KCNK13: variants seen among roughly 807,000 people sequenced by gnomAD.
KCNK13 encodes the protein potassium two pore domain channel subfamily K member 13, also known as potassium channel subfamily K member 13.
In KCNK13, 12 loss-of-function variants were observed where a neutral mutation model predicts 23.4. The ratio of observed to expected loss-of-function variants is 0.51; its 90% CI spans 0.33 to 0.83. The LOEUF is 0.83. KCNK13 is among the 40% of genes least tolerant of loss of function. The pLI is 0.02. For synonymous variants in KCNK13, 231 were observed against 229.5 expected (o/e 1.01, Z -0.06); for missense variants, 463 against 556.3 (o/e 0.83, Z 1.69).
intron 1 of KCNK13, among the ~76,000 whole-genome samples, chr14:90,170,016 A>G (rs1254919577): frequency 6.6e-6 from 1 of 152,146 alleles, no homozygotes; most frequent in African/African-American, 2.4e-5. Flanking sequence ...GAGATGAAGC[A>G]GGGATCCCTC....
Position 90,062,297 on chromosome 14 carries a change from T to C in KCNK13, c.92T>C (p.Leu31Pro), listed in dbSNP as rs1036635686. 6.4e-7 allele frequency: 1 copy of C among 1,556,056 alleles called. No homozygotes were observed. The highest frequency in any genetic ancestry group is 8.6e-7 in the Non-Finnish European group (1 of 1,158,348). The change falls in exon 1 of 2, where the codon CTG (leucine) becomes CCG (proline). Residue 31 changes from leucine (L) to proline (P), a missense_variant. Leu to Pro is a moderately conservative substitution (Grantham distance 98, BLOSUM62 -3). This residue lies in a region of KCNK13 where 153 missense variants were observed against 153.6 expected (regional missense o/e 1.00). Coordinates refer to ENST00000282146, the MANE Select transcript of KCNK13 (RefSeq NM_022054.4). The surrounding 1 kb of genome is among the most constrained non-coding windows in gnomAD (Gnocchi z 4.5). ...LLLAALIVLY[L>P]LGGAAVFSAL... ...CTGGCCGCGCTCATCGTGCTCTACCTGCTGGGCGGCGCCGCCGTCTTCTCC... is the reference window on the plus strand; with the variant it reads ...CTGGCCGCGCTCATCGTGCTCTACCCGCTGGGCGGCGCCGCCGTCTTCTCC...
chr14:90,094,318 G>T (rs962245390), intron 1 of KCNK13, among the ~76,000 whole-genome samples: 1 of 152,170 alleles, frequency 6.6e-6, no homozygotes, highest in Non-Finnish European at 1.5e-5. Flanking sequence ...CAAGTACTAT[G>T]AGCCAGCCAT....
At chr14:90,176,913 G>A (rs1018125088) in intron 1 of KCNK13, among the ~76,000 whole-genome samples, 15 of 152,276 alleles carry the variant, frequency 9.9e-5, no homozygotes, top group East Asian at 3.9e-4. Context: ...CCAGCTACTC[G>A]GGAGGATGAG....
chr14:90,098,970 T>A (rs1032929363), intron 1 of KCNK13, among the ~76,000 whole-genome samples: 4 of 151,804 alleles, frequency 2.6e-5, no homozygotes, highest in Non-Finnish European at 5.9e-5. Context: ...CCCAGCTGCT[T>A]GGGAGGCTAA....
chr14:90,086,780 C>T (rs1889280682), intron 1 of KCNK13, among the ~76,000 whole-genome samples: 2 of 152,070 alleles, frequency 1.3e-5, no homozygotes, highest in African/African-American at 4.8e-5. Context: ...ACTATTGGCC[C>T]AACCTGACTG....
intron 1 of KCNK13, among the ~76,000 whole-genome samples, chr14:90,081,344 C>A (rs961670157): frequency 5.3e-5 from 8 of 152,256 alleles, no homozygotes; most frequent in Non-Finnish European, 8.8e-5. Flanking sequence ...CAAATCATTT[C>A]AAAGTATTTA....
intron 1 of KCNK13, among the ~76,000 whole-genome samples, chr14:90,141,322 C>A (rs1478426724): frequency 6.6e-6 from 1 of 152,250 alleles, no homozygotes; most frequent in Non-Finnish European, 1.5e-5. Context: ...ATACAATAGT[C>A]TGCACATACT....
intron 1 of KCNK13, among the ~76,000 whole-genome samples, chr14:90,070,600 C>T (rs551987168): frequency 8.5e-5 from 13 of 152,308 alleles, no homozygotes; most frequent in South Asian, 4.1e-4. Context: ...AATTCAGTTT[C>T]GTATTTCAGT....
intron 1 of KCNK13, among the ~76,000 whole-genome samples, chr14:90,149,309 T>C (rs1890108726): frequency 6.6e-6 from 1 of 152,030 alleles, no homozygotes; most frequent in Admixed American, 6.6e-5. Context: ...TAAGCTGAGA[T>C]CACACCACTG....
At chr14:90,183,867 G>A (rs1051046272) in intron 1 of KCNK13, among the ~76,000 whole-genome samples, 14 of 152,152 alleles carry the variant, frequency 9.2e-5, no homozygotes, top group Non-Finnish European at 1.6e-4. Flanking sequence ...TCCACCATGA[G>A]GATGAGGTGC....
At position 90,107,850 on chromosome 14, in the gene KCNK13, A is replaced by ATTAT; in HGVS notation, c.334+45314_334+45317dup. ...ACCAACCACACTAACAAGATTCAAG[A>ATTAT]TTATTTGGAACAGCTCACGGGAGCA... On this transcript the variant is annotated intron_variant, in intron 1 of 1. Coordinates refer to ENST00000282146, the MANE Select transcript of KCNK13 (RefSeq NM_022054.4). 4.7e-6 allele frequency: 4 copies of ATTAT among 844,082 alleles called. No individual in the cohort carries two copies. The Admixed American group carries it at 5.2e-5, about 11-fold the overall frequency. The allele number at this position is 844,082 out of a possible 1,614,324, so 52.3% of individuals were successfully genotyped here.
At chr14:90,156,046 A>C (rs557342395) in intron 1 of KCNK13, among the ~76,000 whole-genome samples, 14 of 152,202 alleles carry the variant, frequency 9.2e-5, no homozygotes, top group Admixed American at 5.2e-4. Flanking sequence ...TCTACAAAAA[A>C]TATGAAAATT....
intron 1 of KCNK13, among the ~76,000 whole-genome samples, chr14:90,148,429 C>G (rs147803831): frequency 5.3e-5 from 8 of 152,308 alleles, no homozygotes; most frequent in Non-Finnish European, 1.0e-4. Flanking sequence ...AACCTGCAAA[C>G]AGATCATTTC....
chr14:90,135,476 G>C (rs1596793326), intron 1 of KCNK13, among the ~76,000 whole-genome samples: 1 of 152,328 alleles, frequency 6.6e-6, no homozygotes, highest in East Asian at 1.9e-4. Flanking sequence ...AAAATGTTGA[G>C]GTTCCATTGT....
At chr14:90,152,407 C>T (rs1484637118) in intron 1 of KCNK13, among the ~76,000 whole-genome samples, 1 of 152,126 alleles carries the variant, frequency 6.6e-6, no homozygotes, top group Admixed American at 6.5e-5. Context: ...TAGTGGCGCA[C>T]ACCTGTAATC....
chr14:90,109,680 G>A (rs1889591025), intron 1 of KCNK13, among the ~76,000 whole-genome samples: 1 of 150,850 alleles, frequency 6.6e-6, no homozygotes, highest in African/African-American at 2.4e-5. Context: ...AAAGTGCTGG[G>A]ATTACAGGCA....
intron 1 of KCNK13, among the ~76,000 whole-genome samples, chr14:90,169,676 C>T (rs1890342554): frequency 6.6e-6 from 1 of 152,158 alleles, no homozygotes; most frequent in African/African-American, 2.4e-5. Context: ...CAGATGCCCC[C>T]TGGACCTCTC....
chr14:90,098,124 C>G (rs1379315006), intron 1 of KCNK13, among the ~76,000 whole-genome samples: 1 of 152,326 alleles, frequency 6.6e-6, no homozygotes, highest in South Asian at 2.1e-4. Flanking sequence ...ACACATTCAC[C>G]TGTGGGTTCC....
chr14:90,078,780 T>C (rs1413713763), intron 1 of KCNK13, among the ~76,000 whole-genome samples: 1 of 152,172 alleles, frequency 6.6e-6, no homozygotes, highest in Admixed American at 6.5e-5. Flanking sequence ...AGAACATTTT[T>C]CCTGGAGGAC....
Sources: allele counts gnomAD v4.1 joint callset (sites outside exome capture counted in the v4.1 genomes callset), GRCh38; gene constraint gnomAD v4.1.1; regional missense constraint gnomAD v4.1.1; non-coding constraint Gnocchi (gnomAD v3.1); transcripts MANE v1.5; gene names NCBI Gene and HGNC (gene_info 2026-07-23, HGNC 2026-07-21).